Variants in ZNF487 observed in about 807,000 individuals in gnomAD.
The protein encoded by ZNF487 is zinc finger protein 487.
In ZNF487, 4 loss-of-function variants were observed where a neutral mutation model predicts 3.0. The ratio of observed to expected loss-of-function variants is 1.35; its 90% CI spans 0.66 to 3.08. ZNF487 has a LOEUF of 3.08. Among genes scored for constraint, ZNF487 ranks in the 30% most tolerant of loss-of-function variants. The pLI is 0.01. For missense variants in ZNF487, 146 were observed against 98.7 expected (o/e 1.48, Z -2.03); for synonymous variants, 55 against 34.6 (o/e 1.59, Z -2.06).
chr10:43,447,648 A>G (rs563214589), intron 1 of ZNF487, among the ~76,000 whole-genome samples: 1 of 152,176 alleles, frequency 6.6e-6, no homozygotes, highest in African/African-American at 2.4e-5. Flanking sequence ...GGTTCTTTTG[A>G]CAGATGTGGG....
intron 1 of ZNF487, among the ~76,000 whole-genome samples, chr10:43,471,551 G>T (rs1348352843): frequency 1.3e-5 from 2 of 152,190 alleles, no homozygotes; most frequent in African/African-American, 4.8e-5. Context: ...TGTCCAAGAA[G>T]AATGTCACAT....
intron 1 of ZNF487, among the ~76,000 whole-genome samples, chr10:43,451,427 T>C (rs895763003): frequency 8.6e-5 from 13 of 150,992 alleles, no homozygotes; most frequent in South Asian, 4.2e-4. Flanking sequence ...GTATTTTTAG[T>C]AGAGACGGGG....
intron 1 of ZNF487, chr10:43,453,010 G>T (rs546540360): frequency 3.3e-5 from 5 of 152,062 alleles, no homozygotes; most frequent in African/African-American, 4.8e-5. Flanking sequence ...TGATTTTAAA[G>T]GGGGAATGAG....
At chr10:43,466,181 A>AGATAGGGAGAGGGAGACCGTAGG (rs1840695906) in intron 1 of ZNF487, among the ~76,000 whole-genome samples, 1 of 135,392 alleles carries the variant, frequency 7.4e-6, no homozygotes, top group African/African-American at 2.8e-5. Flanking sequence ...GACCGTGGAA[A>AGATAGGGAGAGGGAGACCGTAGG]GAGAGGGAGA....
At chr10:43,440,328 GT>G (rs1299199936) in intron 1 of ZNF487, among the ~76,000 whole-genome samples, 1 of 151,614 alleles carries the variant, frequency 6.6e-6, no homozygotes, top group East Asian at 2.0e-4. Context: ...GGGATTACAG[GT>G]GTGAACCACT....
the ZNF487 span, among the ~76,000 whole-genome samples, chr10:43,516,518 G>A: frequency 6.6e-6 from 1 of 152,156 alleles, no homozygotes; most frequent in East Asian, 1.9e-4. Flanking sequence ...GGTTTATTAA[G>A]TCTTAACTCA....
chr10:43,516,148 C>G, the ZNF487 span, among the ~76,000 whole-genome samples: 1 of 152,264 alleles, frequency 6.6e-6, no homozygotes, highest in African/African-American at 2.4e-5. Context: ...TCATTATGTT[C>G]CTTGGTTCTC....
rs1271795330 is a variant in ZNF487, at chr10:43,481,600, A to G, written c.302A>G (p.Asn101Ser). 1 of 695,262 alleles carries G rather than the reference A, an allele frequency of 1.4e-6. No homozygotes were observed. The highest frequency in any genetic ancestry group is 2.7e-6 in the Non-Finnish European group (1 of 377,330). The allele number at this position is 695,262 out of a possible 1,614,324, so 43.1% of individuals were successfully genotyped here. A position where few individuals can be genotyped will look rare whatever the true frequency, so the allele number is the denominator to read the frequency against. ...NPILSRKIRGNCDSSGMNLNN... is the reference protein window; with the variant it reads ...NPILSRKIRGSCDSSGMNLNN... ...ATTCTATCAAGAAAAATACGTGGCA[A>G]CTGTGACTCATCTGGAATGAATTTG... The change falls in exon 4 of 4, where the codon AAC (asparagine) becomes AGC (serine). Residue 101 changes from asparagine (N) to serine (S), a missense_variant. Coordinates refer to ENST00000437590, the MANE Select transcript of ZNF487 (RefSeq NM_001355444.3).
At chr10:43,450,630 G>T (rs932545527) in intron 1 of ZNF487, among the ~76,000 whole-genome samples, 2 of 152,156 alleles carry the variant, frequency 1.3e-5, no homozygotes, top group Non-Finnish European at 2.9e-5. Flanking sequence ...GATTATAGGC[G>T]TGAGCCACCA....
At chr10:43,522,666 G>A in the ZNF487 span, among the ~76,000 whole-genome samples, 5 of 152,254 alleles carry the variant, frequency 3.3e-5, no homozygotes, top group South Asian at 1.0e-3. Flanking sequence ...CCTGGGAGGT[G>A]GAGGTTGCAA....
At chr10:43,514,488 G>A in the ZNF487 span, among the ~76,000 whole-genome samples, 5,315 of 152,244 alleles carry the variant, frequency 0.035, 222 homozygotes, top group African/African-American at 0.098. Context: ...CTTCGACTTA[G>A]AAATTTTCTG....
chr10:43,493,692 AAAG>A, the ZNF487 span, among the ~76,000 whole-genome samples: 19 of 43,416 alleles, frequency 4.4e-4, 4 homozygotes, highest in East Asian at 1.3e-3. Context: ...TTCCTCAAAA[AAAG>A]AAAAAAAAAA....
chr10:43,501,788 CT>C, the ZNF487 span, among the ~76,000 whole-genome samples: 16 of 148,278 alleles, frequency 1.1e-4, no homozygotes, highest in South Asian at 3.4e-3. Context: ...TTTAACTTTC[CT>C]TTTTTTTTTC....
downstream of ZNF487, chr10:43,483,207 ATAAT>A (rs1224239839): frequency 1.0e-5 from 4 of 399,176 alleles, no homozygotes; most frequent in Admixed American, 3.4e-5. Flanking sequence ...TGAACAGCAA[ATAAT>A]TGATATTTTA....
chr10:43,466,895 T>A (rs1222867178), intron 1 of ZNF487, among the ~76,000 whole-genome samples: 1 of 151,970 alleles, frequency 6.6e-6, no homozygotes, highest in Non-Finnish European at 1.5e-5. Context: ...TTTGAGACAG[T>A]TTAGCTCTTG....
intron 3 of ZNF487, among the ~76,000 whole-genome samples, chr10:43,481,185 G>A (rs1841340112): frequency 6.6e-6 from 1 of 151,920 alleles, no homozygotes; most frequent in African/African-American, 2.4e-5. Context: ...CAAAAAATTA[G>A]CCAGGCATGG....
the ZNF487 span, among the ~76,000 whole-genome samples, chr10:43,497,891 C>T: frequency 1.3e-5 from 2 of 149,224 alleles, no homozygotes; most frequent in African/African-American, 2.5e-5. Context: ...GGCGTGAACC[C>T]GGGAGGCAGA....
At chr10:43,476,069 G>T in intron 2 of ZNF487, 38 bp from the exon 3 acceptor site, 1 of 713,972 alleles carries the variant, frequency 1.4e-6, no homozygotes, top group Non-Finnish European at 2.6e-6. Context: ...TCCTCCGCAG[G>T]CTATCTGGCC....
chr10:43,499,776 T>G, the ZNF487 span, among the ~76,000 whole-genome samples: 1 of 151,444 alleles, frequency 6.6e-6, no homozygotes, highest in African/African-American at 2.4e-5. Context: ...AAGAAAAAAA[T>G]TGTCTGCAGA....
Sources: gnomAD v4.1 joint callset for allele counts (sites outside exome capture counted in the v4.1 genomes callset) on GRCh38, gnomAD v4.1.1 for gene constraint, MANE v1.5 for transcripts, NCBI Gene and HGNC (gene_info 2026-07-23, HGNC 2026-07-21) for gene names.